PRKN: variants seen among roughly 807,000 people sequenced by gnomAD.
PRKN encodes the protein parkin RBR E3 ubiquitin protein ligase.
In PRKN, 56 loss-of-function variants were observed where a neutral mutation model predicts 59.5. The observed-to-expected ratio is 0.94, with a 90% CI of 0.76 to 1.18. The LOEUF is 1.18. Ranked by LOEUF, PRKN falls within the 50% of genes most tolerant of loss-of-function variation. The pLI is 0.00. For synonymous variants in PRKN, 250 were observed against 222.1 expected, an observed-to-expected ratio of 1.13 and a Z score of -1.12; for missense variants, 657 against 596.4, an observed-to-expected ratio of 1.10 and a Z score of -1.06.
intron 6 of PRKN, among the ~76,000 whole-genome samples, chr6:161,816,533 T>C (rs1033208758): frequency 3.9e-5 from 6 of 152,088 alleles, no homozygotes; most frequent in African/African-American, 1.4e-4. Flanking sequence ...AGTGAAAAAT[T>C]TCATGCACAG....
At chr6:162,238,381 C>A (rs1468713849) in intron 3 of PRKN, among the ~76,000 whole-genome samples, 1 of 152,104 alleles carries the variant, frequency 6.6e-6, no homozygotes, top group Non-Finnish European at 1.5e-5. Flanking sequence ...ATGTTGTTTG[C>A]ACAACAAGAA....
chr6:161,777,757 G>GTATATGTATATATGTATATATGTA (rs201718338), intron 7 of PRKN, among the ~76,000 whole-genome samples: 2 of 135,260 alleles, frequency 1.5e-5, no homozygotes, highest in Non-Finnish European at 3.1e-5. Flanking sequence ...AGATATATAT[G>GTATATGTATATATGTATATATGTA]TATATGTATA....
At chr6:162,021,523 A>G (rs2128276001) in intron 5 of PRKN, among the ~76,000 whole-genome samples, 1 of 149,148 alleles carries the variant, frequency 6.7e-6, no homozygotes, top group South Asian at 2.1e-4. Context: ...GTTTCCATGA[A>G]CATTTTGAAG....
Position 161,497,720 on chromosome 6 carries a change from A to G in PRKN, c.1083+51134T>C, listed in dbSNP as rs1280738878. On this transcript the variant is annotated intron_variant, in intron 9 of 11. Coordinates refer to ENST00000366898, the MANE Select transcript of PRKN (RefSeq NM_004562.3). The surrounding 1 kb of genome is among the most constrained non-coding windows in gnomAD (Gnocchi z 4.6). ...TCAATTATCTCTTCCTTTTGACAGAATTCACATCAAATGCAAACAAGATGA... is the reference window on the plus strand; with the variant it reads ...TCAATTATCTCTTCCTTTTGACAGAGTTCACATCAAATGCAAACAAGATGA... Among the ~76,000 whole-genome samples, 1 of 152,134 alleles carries G rather than the reference A, an allele frequency of 6.6e-6. No individual in the cohort carries two copies. The highest frequency in any genetic ancestry group is 1.5e-5 in the Non-Finnish European group (1 of 68,024).
At chr6:161,815,171 C>G (rs1791722780) in intron 6 of PRKN, among the ~76,000 whole-genome samples, 1 of 152,224 alleles carries the variant, frequency 6.6e-6, no homozygotes, top group African/African-American at 2.4e-5. Context: ...CTGCAAGTGG[C>G]AGCCGTTACT....
At chr6:162,505,678 T>C (rs2128189059) in intron 1 of PRKN, among the ~76,000 whole-genome samples, 1 of 152,286 alleles carries the variant, frequency 6.6e-6, no homozygotes, top group South Asian at 2.1e-4. Context: ...AGAAAGGATA[T>C]ATGCCAACTT....
chr6:162,512,313 A>G (rs1777663305), intron 1 of PRKN, among the ~76,000 whole-genome samples: 1 of 152,168 alleles, frequency 6.6e-6, no homozygotes, highest in Non-Finnish European at 1.5e-5. Flanking sequence ...CACAAAGTAT[A>G]CCTTTACTCA....
intron 2 of PRKN, among the ~76,000 whole-genome samples, chr6:162,369,712 C>G (rs563156486): frequency 6.6e-6 from 1 of 152,150 alleles, no homozygotes; most frequent in Non-Finnish European, 1.5e-5. Flanking sequence ...AAATTAGCAT[C>G]CACGGATAGG....
chr6:161,522,132 A>G (rs764397290), intron 9 of PRKN, among the ~76,000 whole-genome samples: 11 of 152,134 alleles, frequency 7.2e-5, no homozygotes, highest in Non-Finnish European at 1.3e-4. Flanking sequence ...TTTCAACGTG[A>G]TATTTAACCG....
rs768128877 is a variant in PRKN, at chr6:161,371,418, G to A, written c.1168-11213C>T. ...GACCTCAGGTGATCTGCCCGCCTCC[G>A]TCTCCCAAAGTGCTTGGATTACAGG... On this transcript the variant is annotated intron_variant, in intron 10 of 11. Transcript: ENST00000366898. This position sits in a 1 kb window ranked among gnomAD's most constrained non-coding sequence, Gnocchi z 5.5. Among the ~76,000 whole-genome samples the A allele has an allele frequency of 6.6e-6, 1 of 151,972 alleles. No homozygotes were observed. The highest frequency in any genetic ancestry group is 1.5e-5 in the Non-Finnish European group (1 of 68,012).
chr6:162,146,448 A>G (rs760773041), intron 4 of PRKN, among the ~76,000 whole-genome samples: 37 of 144,388 alleles, frequency 2.6e-4, no homozygotes, highest in Non-Finnish European at 4.4e-4. Flanking sequence ...ATATATCGAT[A>G]GATAGATAGA....
chr6:162,157,243 A>G (rs1438043530), intron 4 of PRKN, among the ~76,000 whole-genome samples: 1 of 151,570 alleles, frequency 6.6e-6, no homozygotes, highest in Non-Finnish European at 1.5e-5. Flanking sequence ...AGCTCCAAGA[A>G]CCCTTCCTGC....
intron 1 of PRKN, among the ~76,000 whole-genome samples, chr6:162,689,358 C>G (rs941842764): frequency 6.6e-6 from 1 of 150,902 alleles, no homozygotes; most frequent in African/African-American, 2.5e-5. Flanking sequence ...AGAGCTCCAA[C>G]TACTATAGGA....
At chr6:162,679,074 CTTTATTTATTTATTTA>C (rs71008105) in intron 1 of PRKN, among the ~76,000 whole-genome samples, 1 of 138,114 alleles carries the variant, frequency 7.2e-6, no homozygotes. Flanking sequence ...TGTGCCTGGC[CTTTATTTATTTATTTA>C]TTTATTTATT....
intron 2 of PRKN, among the ~76,000 whole-genome samples, chr6:162,428,629 A>G (rs555492252): frequency 4.6e-5 from 7 of 152,116 alleles, no homozygotes; most frequent in African/African-American, 1.2e-4. Context: ...TCATACTTCA[A>G]TTTTCTCTTT....
chr6:162,083,874 G>A (rs1779156768), intron 4 of PRKN, among the ~76,000 whole-genome samples: 1 of 151,774 alleles, frequency 6.6e-6, no homozygotes, highest in African/African-American at 2.4e-5. Flanking sequence ...TATATGAATT[G>A]ACAGCATTTT....
chr6:161,851,806 G>C (rs919083534), intron 6 of PRKN, among the ~76,000 whole-genome samples: 1 of 151,490 alleles, frequency 6.6e-6, no homozygotes, highest in Admixed American at 6.6e-5. Flanking sequence ...GTTACTGTGG[G>C]CCAGGTGCAG....
At chr6:161,681,961 A>T (rs1255880094) in intron 7 of PRKN, among the ~76,000 whole-genome samples, 1 of 152,244 alleles carries the variant, frequency 6.6e-6, no homozygotes, top group African/African-American at 2.4e-5. Context: ...GGGTTCTGTG[A>T]AAGCCGCAGT....
At chr6:162,644,850 A>G (rs1778103417) in intron 1 of PRKN, among the ~76,000 whole-genome samples, 1 of 152,264 alleles carries the variant, frequency 6.6e-6, no homozygotes, top group African/African-American at 2.4e-5. Flanking sequence ...GACACTAAAT[A>G]GCTGTATGTT....
Sources: gnomAD v4.1 joint callset for allele counts (sites outside exome capture counted in the v4.1 genomes callset) on GRCh38, gnomAD v4.1.1 for gene constraint, Gnocchi (gnomAD v3.1) non-coding constraint, MANE v1.5 for transcripts, NCBI Gene and HGNC (gene_info 2026-07-23, HGNC 2026-07-21) for gene names.